Variants in SLC35F1 observed in about 807,000 individuals in gnomAD.
SLC35F1 encodes the protein chromosome 6 open reading frame 169.
In SLC35F1, 14 loss-of-function variants were observed where a neutral mutation model predicts 48.7. The ratio of observed to expected loss-of-function variants is 0.29; its 90% CI spans 0.19 to 0.45. SLC35F1 has a LOEUF of 0.45. SLC35F1 is among the 20% of genes least tolerant of loss of function. The pLI, the probability that SLC35F1 is intolerant of heterozygous loss-of-function variation, is 1.00. For missense variants in SLC35F1, 404 were observed against 500.0 expected, an observed-to-expected ratio of 0.81 and a Z score of 1.83; for synonymous variants, 190 against 202.2, an observed-to-expected ratio of 0.94 and a Z score of 0.51.
chr6:117,929,885 T>C (rs188937686), intron 1 of SLC35F1, among the ~76,000 whole-genome samples: 12 of 152,254 alleles, frequency 7.9e-5, no homozygotes, highest in Admixed American at 7.9e-4. Flanking sequence ...TTAATGGTAA[T>C]AGTGAGGTTA....
chr6:118,062,846 C>A (rs1425930078), intron 1 of SLC35F1, among the ~76,000 whole-genome samples: 3 of 152,024 alleles, frequency 2.0e-5, no homozygotes, highest in Non-Finnish European at 4.4e-5. Flanking sequence ...CTCCTAAAGT[C>A]TTACTACATA....
At chr6:118,219,304 G>A (rs571401338) in intron 2 of SLC35F1, among the ~76,000 whole-genome samples, 2 of 152,278 alleles carry the variant, frequency 1.3e-5, no homozygotes, top group South Asian at 2.1e-4. Context: ...AGACAATAAT[G>A]TATGTTCGTA....
chr6:117,924,624 G>A (rs1027226915), intron 1 of SLC35F1, among the ~76,000 whole-genome samples: 19 of 150,414 alleles, frequency 1.3e-4, no homozygotes, highest in Middle Eastern at 3.2e-3. Flanking sequence ...AAACACAAAT[G>A]TAACACCTTG....
chr6:118,286,078 A>G (rs1475722922), intron 7 of SLC35F1, among the ~76,000 whole-genome samples: 1 of 152,208 alleles, frequency 6.6e-6, no homozygotes, highest in Non-Finnish European at 1.5e-5. Flanking sequence ...GACATATGAG[A>G]AGATACCACT....
At chr6:118,024,821 A>G (rs1008796792) in intron 1 of SLC35F1, among the ~76,000 whole-genome samples, 1 of 152,192 alleles carries the variant, frequency 6.6e-6, no homozygotes, top group Non-Finnish European at 1.5e-5. Flanking sequence ...GGACAAAAAT[A>G]TGCCTAGGGA....
At chr6:117,933,034 T>C (rs911105872) in intron 1 of SLC35F1, among the ~76,000 whole-genome samples, 2 of 152,246 alleles carry the variant, frequency 1.3e-5, no homozygotes, top group African/African-American at 4.8e-5. Context: ...CTTTTTATGC[T>C]TCATAACTAG....
chr6:118,059,703 T>C (rs1261918268), intron 1 of SLC35F1, among the ~76,000 whole-genome samples: 8 of 152,216 alleles, frequency 5.3e-5, no homozygotes, highest in Non-Finnish European at 8.8e-5. Context: ...GTGCTGGTTT[T>C]AAAAGCTGGA....
intron 1 of SLC35F1, among the ~76,000 whole-genome samples, chr6:117,978,735 T>C (rs1321873968): frequency 6.6e-6 from 1 of 152,190 alleles, no homozygotes; most frequent in Admixed American, 6.5e-5. Flanking sequence ...CATCTAGAGT[T>C]GTCAGATTTA....
At chr6:118,142,371 C>A (rs1270533133) in intron 1 of SLC35F1, among the ~76,000 whole-genome samples, 1 of 152,144 alleles carries the variant, frequency 6.6e-6, no homozygotes, top group African/African-American at 2.4e-5. Context: ...CATATCAAGT[C>A]TTTAAACATT....
At chr6:118,061,863 C>CTACGAG (rs946561878) in intron 1 of SLC35F1, among the ~76,000 whole-genome samples, 7 of 152,170 alleles carry the variant, frequency 4.6e-5, no homozygotes, top group African/African-American at 1.2e-4. Flanking sequence ...GTCTGCACTC[C>CTACGAG]TACGAGAATC....
chr6:118,117,243 C>T (rs115641442), intron 1 of SLC35F1, among the ~76,000 whole-genome samples: 163 of 152,292 alleles, frequency 1.1e-3, no homozygotes, highest in African/African-American at 3.8e-3. Flanking sequence ...TCAACCTTAT[C>T]TGTACATGTA....
At chr6:118,282,702 G>A (rs779384733) in intron 6 of SLC35F1, among the ~76,000 whole-genome samples, 26 of 152,202 alleles carry the variant, frequency 1.7e-4, no homozygotes, top group Admixed American at 8.5e-4. Flanking sequence ...AGTATATGGC[G>A]TCACAGTTCA....
Position 117,977,877 on chromosome 6 carries a change from G to C in SLC35F1, c.173+69978G>C, listed in dbSNP as rs529967368. On this transcript the variant is annotated intron_variant, in intron 1 of 7. Coordinates refer to ENST00000360388, the MANE Select transcript of SLC35F1 (RefSeq NM_001029858.4). ...TAGGGAAAGATTTTCAGAGGCAGAG[G>C]CTTAAATTTTAGCTTCATTTAGTAA... Among the ~76,000 whole-genome samples the C allele has an allele frequency of 4.6e-5, 7 of 152,102 alleles. No homozygotes were observed. The South Asian group carries it at 1.0e-3, about 23-fold the overall frequency.
Position 118,235,515 on chromosome 6 carries a change from A to C in SLC35F1, c.356A>C (p.Glu119Ala). ...TTTLAVRQGE[E>A]NLLAILRRRW... ...TCTTAACTTTGTAACACAGGAGAAG[A>C]AAACCTCCTGGCAATTTTACGACGA... The change falls in exon 3 of 8, where the codon GAA (glutamate) becomes GCA (alanine). Residue 119 changes from glutamate (E) to alanine (A), a missense_variant. Physicochemically the swap from Glu to Ala is moderately radical, Grantham distance 107. Coordinates refer to ENST00000360388, the MANE Select transcript of SLC35F1 (RefSeq NM_001029858.4). 1.2e-6 allele frequency: 2 copies of C among 1,613,080 alleles called. No homozygotes were observed. The highest frequency in any genetic ancestry group is 1.7e-6 in the Non-Finnish European group (2 of 1,179,352).
At chr6:118,140,885 T>C (rs199740157) in intron 1 of SLC35F1, among the ~76,000 whole-genome samples, 2 of 77,300 alleles carry the variant, frequency 2.6e-5, no homozygotes, top group South Asian at 7.6e-4. Context: ...AGAATAAGTA[T>C]ATAAAGAAAA....
At chr6:117,934,068 A>G (rs1776135233) in intron 1 of SLC35F1, among the ~76,000 whole-genome samples, 1 of 152,138 alleles carries the variant, frequency 6.6e-6, no homozygotes, top group African/African-American at 2.4e-5. Flanking sequence ...AACTACAGAA[A>G]AAGAGCTGCA....
intron 3 of SLC35F1, among the ~76,000 whole-genome samples, chr6:118,238,310 A>G (rs1775392440): frequency 6.6e-6 from 1 of 152,008 alleles, no homozygotes; most frequent in African/African-American, 2.4e-5. Context: ...CCGGGCATAC[A>G]GTTGTGCACC....
chr6:118,087,130 T>C (rs905923564), intron 1 of SLC35F1, among the ~76,000 whole-genome samples: 2 of 152,268 alleles, frequency 1.3e-5, no homozygotes, highest in African/African-American at 4.8e-5. Flanking sequence ...CTCACAGTTC[T>C]GGAGGGTAGA....
chr6:118,126,540 G>A (rs1441783763), intron 1 of SLC35F1, among the ~76,000 whole-genome samples: 1 of 151,470 alleles, frequency 6.6e-6, no homozygotes, highest in Non-Finnish European at 1.5e-5. Flanking sequence ...AGCTTGATGG[G>A]GATGGCATTG....
Sources: allele counts gnomAD v4.1 joint callset (sites outside exome capture counted in the v4.1 genomes callset), GRCh38; gene constraint gnomAD v4.1.1; transcripts MANE v1.5; gene names NCBI Gene and HGNC (gene_info 2026-07-23, HGNC 2026-07-21).